CNTNAP2: variants seen among roughly 807,000 people sequenced by gnomAD.
The protein encoded by CNTNAP2 is contactin-associated protein-like 2.
CNTNAP2 carries 98 observed loss-of-function variants against 155.2 expected under a neutral mutation model. That is an observed-to-expected ratio of 0.63 (90% CI 0.54 to 0.75). CNTNAP2 has a LOEUF of 0.75. CNTNAP2 is among the 30% of genes least tolerant of loss of function. The probability of loss-of-function intolerance (pLI) is 0.00; values close to 1 mark genes in which losing one functional copy is unlikely to be tolerated. For synonymous variants in CNTNAP2, 651 were observed against 631.2 expected, an observed-to-expected ratio of 1.03 and a Z score of -0.47; for missense variants, 1,727 against 1,688.1, an observed-to-expected ratio of 1.02 and a Z score of -0.40.
At chr7:146,457,563 G>C (rs1353371038) in intron 1 of CNTNAP2, among the ~76,000 whole-genome samples, 1 of 136,770 alleles carries the variant, frequency 7.3e-6, no homozygotes, top group Non-Finnish European at 1.5e-5. Context: ...TGGTGCAGTG[G>C]CACGATCTTG....
intron 1 of CNTNAP2, among the ~76,000 whole-genome samples, chr7:146,461,417 T>TAATA (rs1309330326): frequency 1.2e-4 from 17 of 145,188 alleles, no homozygotes; most frequent in African/African-American, 2.9e-4. Flanking sequence ...AAAAAAAAAA[T>TAATA]ATAATAATAA....
At chr7:147,783,496 T>C (rs192257919) in intron 13 of CNTNAP2, among the ~76,000 whole-genome samples, 1 of 152,344 alleles carries the variant, frequency 6.6e-6, no homozygotes, top group African/African-American at 2.4e-5. Context: ...TTTCTAGGAC[T>C]GATGCCACAA....
At chr7:146,337,157 G>A (rs1169234550) in intron 1 of CNTNAP2, among the ~76,000 whole-genome samples, 2 of 152,136 alleles carry the variant, frequency 1.3e-5, no homozygotes, top group Non-Finnish European at 2.9e-5. Flanking sequence ...GCACCTTCTA[G>A]TGAATTCATA....
intron 1 of CNTNAP2, among the ~76,000 whole-genome samples, chr7:146,163,959 C>G (rs954250240): frequency 6.6e-6 from 1 of 152,100 alleles, no homozygotes; most frequent in African/African-American, 2.4e-5. Flanking sequence ...CCTTTTACCC[C>G]AGCCTGTGAC....
At chr7:146,671,790 CTTTT>C (rs1342630329) in intron 1 of CNTNAP2, among the ~76,000 whole-genome samples, 2 of 151,644 alleles carry the variant, frequency 1.3e-5, no homozygotes, top group African/African-American at 4.8e-5. Context: ...TATTCTCTTT[CTTTT>C]CTTTTCTTTT....
intron 5 of CNTNAP2, among the ~76,000 whole-genome samples, chr7:147,115,581 T>C (rs6951588): frequency 0.22 from 32,800 of 152,084 alleles, 4,220 homozygotes; most frequent in Non-Finnish European, 0.29. Context: ...CTTCAAGCTC[T>C]GAGATTTCTT....
intron 21 of CNTNAP2, among the ~76,000 whole-genome samples, chr7:148,365,754 GTATGTGTATACGTGTATACATGTA>G (rs1164385663): frequency 2.5e-5 from 1 of 40,204 alleles, no homozygotes; most frequent in East Asian, 4.5e-4. Flanking sequence ...ATGTATACAT[GTATGTGTATACGTGTATACATGTA>G]TGTGTATGCA....
At chr7:147,659,424 G>GAC (rs1205915237) in intron 13 of CNTNAP2, among the ~76,000 whole-genome samples, 1 of 152,150 alleles carries the variant, frequency 6.6e-6, no homozygotes, top group Non-Finnish European at 1.5e-5. Flanking sequence ...AACGTCTTAC[G>GAC]ACATATTAAA....
intron 1 of CNTNAP2, among the ~76,000 whole-genome samples, chr7:146,624,919 T>C (rs1447940254): frequency 1.3e-5 from 2 of 151,980 alleles, no homozygotes; most frequent in Non-Finnish European, 2.9e-5. Context: ...GTGATATTTT[T>C]AACATGTTTT....
rs189824992 is a variant in CNTNAP2, at chr7:147,235,150, G to A, written c.1349-64991G>A. ...AAGACTGACTCTTCCCCGAGTGAGA[G>A]AGAATTCTTGCTTGCTGGCCTTGAC... On this transcript the variant is annotated intron_variant, in intron 8 of 23. Coordinates refer to ENST00000361727, the MANE Select transcript of CNTNAP2 (RefSeq NM_014141.6). 4.5e-3 allele frequency among the ~76,000 whole-genome samples: 678 copies of A among 152,274 alleles called. 5 individuals are homozygous for A. The highest frequency in any genetic ancestry group is 7.3e-3 in the Non-Finnish European group (496 of 68,020).
At chr7:146,647,661 A>G (rs1205961499) in intron 1 of CNTNAP2, among the ~76,000 whole-genome samples, 2 of 152,140 alleles carry the variant, frequency 1.3e-5, no homozygotes, top group Non-Finnish European at 1.5e-5. Context: ...TGCGAAAAGA[A>G]AAACATAAGG....
At chr7:147,775,301 A>C (rs1294343624) in intron 13 of CNTNAP2, among the ~76,000 whole-genome samples, 1 of 47,636 alleles carries the variant, frequency 2.1e-5, no homozygotes, top group Non-Finnish European at 3.5e-5. Flanking sequence ...ATATTTATAT[A>C]TATTTATAAA....
chr7:146,907,606 A>AT (rs1796164337), intron 3 of CNTNAP2, among the ~76,000 whole-genome samples: 1 of 149,884 alleles, frequency 6.7e-6, no homozygotes, highest in Non-Finnish European at 1.5e-5. Flanking sequence ...ATGCTGAGAG[A>AT]TTTTGTCACC....
chr7:147,284,216 T>G (rs1317974147), intron 8 of CNTNAP2, among the ~76,000 whole-genome samples: 1 of 151,818 alleles, frequency 6.6e-6, no homozygotes, highest in African/African-American at 2.4e-5. Flanking sequence ...TTCCTCTCTA[T>G]GGCACATGAA....
At chr7:147,604,629 C>T (rs1801027197) in intron 12 of CNTNAP2, among the ~76,000 whole-genome samples, 1 of 152,160 alleles carries the variant, frequency 6.6e-6, no homozygotes, top group Non-Finnish European at 1.5e-5. Flanking sequence ...AATTCATTTA[C>T]CTCTGTGGAA....
chr7:147,713,781 T>C (rs1285280456), intron 13 of CNTNAP2, among the ~76,000 whole-genome samples: 1 of 152,156 alleles, frequency 6.6e-6, no homozygotes, highest in Non-Finnish European at 1.5e-5. Context: ...ATCCAGTTGC[T>C]CAGCATCTTA....
chr7:146,131,580 T>C (rs1261085031), intron 1 of CNTNAP2, among the ~76,000 whole-genome samples: 1 of 152,242 alleles, frequency 6.6e-6, no homozygotes, highest in East Asian at 1.9e-4. Flanking sequence ...TTTCAGAACT[T>C]CAATAATATG....
intron 13 of CNTNAP2, among the ~76,000 whole-genome samples, chr7:147,866,575 A>C (rs1799232828): frequency 6.6e-6 from 1 of 152,138 alleles, no homozygotes; most frequent in African/African-American, 2.4e-5. Context: ...TAGGTCTCTA[A>C]GGACTTGCTT....
intron 12 of CNTNAP2, among the ~76,000 whole-genome samples, chr7:147,599,729 A>C (rs1308755918): frequency 6.6e-6 from 1 of 152,010 alleles, no homozygotes; most frequent in Admixed American, 6.6e-5. Flanking sequence ...GGTATTCTCC[A>C]TGTGTGTGTC....
Sources: gnomAD v4.1 joint callset for allele counts (sites outside exome capture counted in the v4.1 genomes callset) on GRCh38, gnomAD v4.1.1 for gene constraint, MANE v1.5 for transcripts, NCBI Gene and HGNC (gene_info 2026-07-23, HGNC 2026-07-21) for gene names.